Variants in MARK1 observed in about 807,000 individuals in gnomAD.
The protein encoded by MARK1 is serine/threonine-protein kinase MARK1.
A neutral mutation model predicts 96.3 loss-of-function variants in MARK1; 40 were observed. The ratio of observed to expected loss-of-function variants is 0.42; its 90% confidence interval spans 0.32 to 0.54. The LOEUF is 0.54. Among genes scored for constraint, MARK1 ranks in the 20% least tolerant of loss-of-function variants. The pLI, the probability that MARK1 is intolerant of heterozygous loss-of-function variation, is 0.16. For synonymous variants in MARK1, 317 were observed against 341.2 expected (o/e 0.93, Z 0.78); for missense variants, 719 against 984.6 (o/e 0.73, Z 3.61).
intron 13 of MARK1, among the ~76,000 whole-genome samples, chr1:220,638,703 G>A (rs1027418717): frequency 1.3e-5 from 2 of 151,686 alleles, no homozygotes; most frequent in East Asian, 1.9e-4. Flanking sequence ...AAACATAAGC[G>A]AAAAGATTTT....
chr1:220,530,567 G>A (rs1160701459), intron 1 of MARK1, among the ~76,000 whole-genome samples: 2 of 152,080 alleles, frequency 1.3e-5, no homozygotes, highest in Admixed American at 1.3e-4. Flanking sequence ...GAATAGTATA[G>A]CTTTTCTCAT....
intron 2 of MARK1, among the ~76,000 whole-genome samples, chr1:220,580,659 C>T (rs1664176599): frequency 6.6e-6 from 1 of 152,140 alleles, no homozygotes; most frequent in Non-Finnish European, 1.5e-5. Context: ...TCAGTTTGCT[C>T]TAAGTAAGCT....
intron 9 of MARK1, among the ~76,000 whole-genome samples, chr1:220,625,042 T>C (rs140024001): frequency 6.6e-6 from 1 of 152,366 alleles, no homozygotes; most frequent in East Asian, 1.9e-4. Context: ...AGGTGTCTTC[T>C]TGTTGCTAAT....
At chr1:220,586,296 C>T (rs1460427288) in intron 3 of MARK1, among the ~76,000 whole-genome samples, 1 of 152,080 alleles carries the variant, frequency 6.6e-6, no homozygotes, top group African/African-American at 2.4e-5. Context: ...TACTCTATTC[C>T]AGTTACCAGG....
At chr1:220,557,244 T>C (rs1662330675) in intron 1 of MARK1, among the ~76,000 whole-genome samples, 1 of 152,200 alleles carries the variant, frequency 6.6e-6, no homozygotes, top group African/African-American at 2.4e-5. Flanking sequence ...AATATCAGTC[T>C]CATGTTATCT....
chr1:220,657,067 T>C (rs886970092), intron 16 of MARK1, among the ~76,000 whole-genome samples: 10 of 152,232 alleles, frequency 6.6e-5, no homozygotes, highest in Admixed American at 6.5e-4. Flanking sequence ...AATAGTATTT[T>C]ACCCTTTATC....
rs999322150 is a variant in MARK1, at chr1:220,663,189, A to G, written c.*1023A>G. On this transcript the variant is annotated 3_prime_UTR_variant, in exon 18 of 18. Coordinates refer to ENST00000366917, the MANE Select transcript of MARK1 (RefSeq NM_018650.5). ...GCTATCCTCTTCATTCACCCCTGCC[A>G]CTGTAATATCTATAAGTACTTAAGA... 2 of 152,564 alleles carry G rather than the reference A, an allele frequency of 1.3e-5. No individual in the cohort carries two copies. The highest frequency in any genetic ancestry group is 2.1e-4 in the South Asian group (1 of 4,826). The allele number at this position is 152,564 out of a possible 1,614,324, so 9.5% of individuals were successfully genotyped here. A position where few individuals can be genotyped will look rare whatever the true frequency, so the allele number is the denominator to read the frequency against.
chr1:220,612,246 A>G (rs1399375324), intron 6 of MARK1, among the ~76,000 whole-genome samples: 1 of 152,222 alleles, frequency 6.6e-6, no homozygotes, highest in Non-Finnish European at 1.5e-5. Flanking sequence ...ATGGAATTAG[A>G]GAAGTTGGAA....
intron 9 of MARK1, chr1:220,627,189 G>C (rs764700032): frequency 2.1e-6 from 1 of 475,174 alleles, no homozygotes; most frequent in Non-Finnish European, 4.2e-6. Context: ...GTGGCGATGA[G>C]AGCGAAGAAG....
At chr1:220,609,733 A>G (rs948632245) in intron 6 of MARK1, among the ~76,000 whole-genome samples, 2 of 152,112 alleles carry the variant, frequency 1.3e-5, no homozygotes, top group Admixed American at 6.5e-5. Flanking sequence ...TTCAGGAGCT[A>G]TTGTAAGGCA....
In MARK1 at chr1:220,654,126, A is replaced by C. The variant is rs1346376060; in HGVS notation, c.1988+774A>C. Reference sequence around the variant, plus strand: ...CTCCAGATTCTTATAGTCTTGTAAGAAGCAGACAAACAACTAGCCATGATA... The same window carrying C: ...CTCCAGATTCTTATAGTCTTGTAAGCAGCAGACAAACAACTAGCCATGATA... On this transcript the variant is annotated intron_variant, in intron 16 of 17. Coordinates refer to ENST00000366917, the MANE Select transcript of MARK1 (RefSeq NM_018650.5). The surrounding 1 kb of genome is among the most constrained non-coding windows in gnomAD (Gnocchi z 4.0). Among the ~76,000 whole-genome samples the C allele has an allele frequency of 6.6e-6, 1 of 152,186 alleles. No homozygotes were observed. Among genetic ancestry groups the C allele is most frequent in the Non-Finnish European group, 1.5e-5 (1 of 68,020 alleles).
At chr1:220,541,253 G>GT (rs928036049) in intron 1 of MARK1, among the ~76,000 whole-genome samples, 2 of 151,994 alleles carry the variant, frequency 1.3e-5, no homozygotes, top group African/African-American at 2.4e-5. Flanking sequence ...TAACGTAGGT[G>GT]TTTTTTTAAT....
Position 220,566,302 on chromosome 1 carries a change from C to G in MARK1, c.52-13052C>G, listed in dbSNP as rs139804297. Among the ~76,000 whole-genome samples the G allele has an allele frequency of 4.7e-3, 714 of 152,110 alleles. 4 individuals carry two copies. Among genetic ancestry groups the G allele is most frequent in the African/African-American group, 0.016 (680 of 41,496 alleles). The stretch of plus-strand genomic sequence containing the variant: ...TAGGACAAAATGGAAGAGAAGTGAC[C>G]AGATGAAAGAACCACCATTTAAGGC... On this transcript the variant is annotated intron_variant, in intron 1 of 17. Coordinates refer to ENST00000366917, the MANE Select transcript of MARK1 (RefSeq NM_018650.5).
Position 220,618,821 on chromosome 1 carries a change from A to G in MARK1, c.909+66A>G. 7.3e-7 allele frequency: 1 copy of G among 1,372,456 alleles called. No homozygotes were observed. The highest frequency in any genetic ancestry group is 1.4e-5 in the South Asian group (1 of 70,308). 85.0% of individuals were successfully genotyped at this position (1,372,456 alleles called of 1,614,324 possible). ...TAAAATATTCCAGGAACCGAAGAGC[A>G]TTTTTCTCCTATGTTTTCTTAGGAA... On this transcript the variant is annotated intron_variant, in intron 9 of 17. Coordinates refer to ENST00000366917, the MANE Select transcript of MARK1 (RefSeq NM_018650.5). This position sits in a 1 kb window ranked among gnomAD's most constrained non-coding sequence, Gnocchi z 4.6.
At chr1:220,611,838 T>C (rs769744407) in intron 6 of MARK1, among the ~76,000 whole-genome samples, 2 of 152,186 alleles carry the variant, frequency 1.3e-5, no homozygotes, top group Non-Finnish European at 2.9e-5. Flanking sequence ...GTTCAAGCGA[T>C]TCTCCTACCT....
At chr1:220,540,825 T>G (rs139243735) in intron 1 of MARK1, among the ~76,000 whole-genome samples, 52 of 152,280 alleles carry the variant, frequency 3.4e-4, no homozygotes, top group African/African-American at 1.2e-3. Context: ...AATTTGTTAT[T>G]TCTGCTCTAA....
intron 9 of MARK1, among the ~76,000 whole-genome samples, chr1:220,622,778 G>A (rs545903900): frequency 6.6e-6 from 1 of 152,164 alleles, no homozygotes; most frequent in African/African-American, 2.4e-5. Flanking sequence ...CTAGCTACTC[G>A]GGAGGCTGAA....
rs1668769405 is a variant in MARK1, at chr1:220,649,711, C to CT, written c.1471-907dup. ...TTTGTTTATATGAGTTTTTTTCCTT[C>CT]TTCAAAGTGAATTCAAGCAAGTATC... On this transcript the variant is annotated intron_variant, in intron 13 of 17. Transcript: ENST00000366917. 2.6e-5 allele frequency among the ~76,000 whole-genome samples: 4 copies of CT among 152,158 alleles called. No individual in the cohort carries two copies. The South Asian group carries it at 8.3e-4, about 32-fold the overall frequency.
intron 13 of MARK1, among the ~76,000 whole-genome samples, chr1:220,644,449 A>ACC (rs61146086): frequency 5.7e-4 from 71 of 124,422 alleles, no homozygotes; most frequent in Non-Finnish European, 1.0e-3. Context: ...AGAGACTTAG[A>ACC]CCCCCCCCCC....
Sources: allele counts gnomAD v4.1 joint callset (sites outside exome capture counted in the v4.1 genomes callset), GRCh38; gene constraint gnomAD v4.1.1; non-coding constraint Gnocchi (gnomAD v3.1); transcripts MANE v1.5; gene names NCBI Gene and HGNC (gene_info 2026-07-23, HGNC 2026-07-21).